Variants in C7orf78 observed in about 807,000 individuals in gnomAD.
C7orf78 encodes chromosome 7 open reading frame 78.
At chr7:12,536,663 T>A in the C7orf78 span, among the ~76,000 whole-genome samples, 5 of 152,202 alleles carry the variant, frequency 3.3e-5, no homozygotes, top group African/African-American at 4.8e-5. Context: ...TTTTCTGAAC[T>A]TTTATGCTCT....
chr7:12,532,345 C>T, the C7orf78 span, among the ~76,000 whole-genome samples: 173 of 152,122 alleles, frequency 1.1e-3, no homozygotes, highest in East Asian at 0.017. Context: ...GTCTGGAGTT[C>T]GAGACCAGCC....
the C7orf78 span, among the ~76,000 whole-genome samples, chr7:12,519,755 G>A: frequency 6.6e-6 from 1 of 152,114 alleles, no homozygotes; most frequent in Non-Finnish European, 1.5e-5. Flanking sequence ...AAGTACTGGG[G>A]ACCCCAAGCA....
the C7orf78 span, among the ~76,000 whole-genome samples, chr7:12,513,721 C>G: frequency 6.6e-6 from 1 of 152,140 alleles, no homozygotes; most frequent in Non-Finnish European, 1.5e-5. Context: ...CTATTCTGGG[C>G]CGGGCGCGGT....
At chr7:12,535,545 C>T in the C7orf78 span, among the ~76,000 whole-genome samples, 1 of 152,146 alleles carries the variant, frequency 6.6e-6, no homozygotes, top group East Asian at 1.9e-4. Context: ...CCACCTCTGG[C>T]CCCTCCCAAA....
chr7:12,517,866 C>G, the C7orf78 span, among the ~76,000 whole-genome samples: 6 of 151,940 alleles, frequency 3.9e-5, no homozygotes, highest in Admixed American at 3.3e-4. Flanking sequence ...ATTTTGAATT[C>G]TTTTTCTGGG....
the C7orf78 span, among the ~76,000 whole-genome samples, chr7:12,495,684 G>C: frequency 6.6e-6 from 1 of 152,150 alleles, no homozygotes; most frequent in Non-Finnish European, 1.5e-5. Context: ...ACTATTTAAA[G>C]CCTATTTTAC....
At chr7:12,502,838 G>A in the C7orf78 span, among the ~76,000 whole-genome samples, 1 of 132,446 alleles carries the variant, frequency 7.6e-6, no homozygotes, top group Non-Finnish European at 1.6e-5. Context: ...CAACCCAAAT[G>A]TCCAAGAATG....
the C7orf78 span, among the ~76,000 whole-genome samples, chr7:12,501,316 G>T: frequency 6.8e-6 from 1 of 147,148 alleles, no homozygotes; most frequent in Non-Finnish European, 1.5e-5. Context: ...TGACATGATT[G>T]TATATCTAGA....
chr7:12,512,153 G>A, the C7orf78 span, among the ~76,000 whole-genome samples: 1 of 151,842 alleles, frequency 6.6e-6, no homozygotes, highest in African/African-American at 2.4e-5. Flanking sequence ...AATAGAATTT[G>A]ACTTTCACTT....
At chr7:12,533,777 A>G in the C7orf78 span, among the ~76,000 whole-genome samples, 3 of 152,044 alleles carry the variant, frequency 2.0e-5, no homozygotes, top group African/African-American at 7.2e-5. Context: ...CGGCCTCCCA[A>G]AGTGCTAGGA....
chr7:12,527,764 C>G, the C7orf78 span, among the ~76,000 whole-genome samples: 107 of 122,586 alleles, frequency 8.7e-4, no homozygotes, highest in Admixed American at 1.3e-3. Context: ...CACTCACTTT[C>G]GTAGAAAATG....
At chr7:12,508,834 A>G in the C7orf78 span, among the ~76,000 whole-genome samples, 1 of 152,196 alleles carries the variant, frequency 6.6e-6, no homozygotes, top group Non-Finnish European at 1.5e-5. Context: ...TGAACTGCAC[A>G]TGTGCTCCTT....
the C7orf78 span, among the ~76,000 whole-genome samples, chr7:12,499,598 C>T: frequency 6.7e-6 from 1 of 149,908 alleles, no homozygotes; most frequent in Non-Finnish European, 1.5e-5. Context: ...GAGTGACCTA[C>T]AAAGAGACTT....
chr7:12,523,583 A>G, the C7orf78 span, among the ~76,000 whole-genome samples: 1 of 152,194 alleles, frequency 6.6e-6, no homozygotes, highest in African/African-American at 2.4e-5. Context: ...ATGGTACAAT[A>G]CAATTCACAT....
At chr7:12,493,247 GA>G in the C7orf78 span, among the ~76,000 whole-genome samples, 380 of 152,290 alleles carry the variant, frequency 2.5e-3, 3 homozygotes, top group African/African-American at 8.6e-3. Flanking sequence ...GAAGATAAAG[GA>G]TATGTAGTGT....
At chr7:12,498,480 A>T in the C7orf78 span, among the ~76,000 whole-genome samples, 1 of 151,914 alleles carries the variant, frequency 6.6e-6, no homozygotes, top group Non-Finnish European at 1.5e-5. Context: ...AAGAAAGGGT[A>T]TCAGCAATGG....
chr7:12,507,142 TAC>T, the C7orf78 span: 2 of 76,328 alleles, frequency 2.6e-5, no homozygotes, highest in Non-Finnish European at 2.6e-5. Flanking sequence ...CTACTAAAAA[TAC>T]AAAAAAAAAA....
the C7orf78 span, among the ~76,000 whole-genome samples, chr7:12,525,102 G>C: frequency 1.3e-5 from 2 of 151,692 alleles, no homozygotes; most frequent in African/African-American, 4.9e-5. Flanking sequence ...TCCTTCTTTG[G>C]AACTTTTAAT....
the C7orf78 span, among the ~76,000 whole-genome samples, chr7:12,533,494 C>T: frequency 2.7e-5 from 4 of 150,876 alleles, no homozygotes; most frequent in African/African-American, 9.8e-5. Context: ...AGCCACAGCG[C>T]CCAGCCACCA....
Sources: allele counts gnomAD v4.1 joint callset (sites outside exome capture counted in the v4.1 genomes callset), GRCh38; gene constraint gnomAD v4.1.1; transcripts MANE v1.5; gene names NCBI Gene and HGNC (gene_info 2026-07-23, HGNC 2026-07-21).